FNDC3B: variants seen among roughly 807,000 people sequenced by gnomAD.
The protein encoded by FNDC3B is fibronectin type III domain containing 3B.
A neutral mutation model predicts 151.5 loss-of-function variants in FNDC3B; 12 were observed. That is an observed-to-expected ratio of 0.08 (90% CI 0.05 to 0.13). FNDC3B has a LOEUF of 0.13. FNDC3B is among the 10% of genes least tolerant of loss of function. The pLI, the probability that FNDC3B is intolerant of heterozygous loss-of-function variation, is 1.00. For synonymous variants in FNDC3B, 528 were observed against 549.0 expected (o/e 0.96, Z 0.54); for missense variants, 1,214 against 1,505.3 (o/e 0.81, Z 3.20).
At chr3:172,085,832 T>G (rs1718523759) in intron 1 of FNDC3B, among the ~76,000 whole-genome samples, 1 of 152,234 alleles carries the variant, frequency 6.6e-6, no homozygotes, top group African/African-American at 2.4e-5. Context: ...TTTGTTGAAC[T>G]ATTAATGCAT....
rs1243247499 is a variant in FNDC3B at position 172,147,626 on chromosome 3, G to A, written c.187+14080G>A. 4.6e-5 allele frequency among the ~76,000 whole-genome samples: 7 copies of A among 152,074 alleles called. 1 individual carries two copies. Among genetic ancestry groups the A allele is most frequent in the South Asian group, 2.1e-4 (1 of 4,822 alleles). On this transcript the variant is annotated intron_variant, in intron 3 of 25. Transcript: ENST00000415807. ...TAGCATAAACCAGAATCACCTGGAGGGCCTGTTAAAACACAGTTGCTGGTT... is the reference window on the plus strand; with the variant it reads ...TAGCATAAACCAGAATCACCTGGAGAGCCTGTTAAAACACAGTTGCTGGTT...
At chr3:172,317,135 A>G (rs912540649) in intron 11 of FNDC3B, 4 of 444,830 alleles carry the variant, frequency 9.0e-6, no homozygotes, top group Admixed American at 7.6e-5. Context: ...AGGAAAAAAA[A>G]ATGACCACCT....
chr3:172,096,077 G>C (rs556877219), intron 1 of FNDC3B, among the ~76,000 whole-genome samples: 1 of 152,270 alleles, frequency 6.6e-6, no homozygotes, highest in East Asian at 1.9e-4. Flanking sequence ...TTGGTTCTCT[G>C]TGAATTTTAC....
chr3:172,105,458 G>C (rs945266796), intron 1 of FNDC3B, among the ~76,000 whole-genome samples: 2 of 152,054 alleles, frequency 1.3e-5, no homozygotes, highest in Non-Finnish European at 1.5e-5. Context: ...GTAGAGTATA[G>C]TAATTTCTTA....
chr3:172,140,114 C>G (rs946045460), intron 3 of FNDC3B, among the ~76,000 whole-genome samples: 5 of 152,186 alleles, frequency 3.3e-5, no homozygotes, highest in Non-Finnish European at 2.9e-5. Context: ...GGCCATCTTT[C>G]TTTCTGATTG....
At chr3:172,195,679 G>A (rs1004953193) in intron 3 of FNDC3B, among the ~76,000 whole-genome samples, 2 of 152,206 alleles carry the variant, frequency 1.3e-5, no homozygotes, top group African/African-American at 2.4e-5. Context: ...CAATGCAGAA[G>A]GGGTCATTCC....
chr3:172,317,602 GA>G (rs1370459979), intron 11 of FNDC3B, among the ~76,000 whole-genome samples: 3 of 152,148 alleles, frequency 2.0e-5, no homozygotes, highest in African/African-American at 4.8e-5. Context: ...CTTTCCACTG[GA>G]AAAACAGTGT....
At chr3:172,332,748 A>G (rs1732744329) in intron 13 of FNDC3B, among the ~76,000 whole-genome samples, 1 of 152,220 alleles carries the variant, frequency 6.6e-6, no homozygotes, top group Non-Finnish European at 1.5e-5. Context: ...ACTGCATAGC[A>G]CATTGCAGTT....
At chr3:172,333,552 G>T (rs1732796786) in intron 14 of FNDC3B, among the ~76,000 whole-genome samples, 1 of 144,066 alleles carries the variant, frequency 6.9e-6, no homozygotes, top group Non-Finnish European at 1.5e-5. Context: ...CACCATGTTG[G>T]CCAGGCTGGT....
At chr3:172,358,279 C>T (rs2108334565) in intron 22 of FNDC3B, among the ~76,000 whole-genome samples, 1 of 152,334 alleles carries the variant, frequency 6.6e-6, no homozygotes, top group African/African-American at 2.4e-5. Flanking sequence ...GTCACTCTGT[C>T]ATTTAGATCA....
intron 1 of FNDC3B, among the ~76,000 whole-genome samples, chr3:172,064,357 A>G (rs1223180680): frequency 6.6e-6 from 1 of 152,152 alleles, no homozygotes; most frequent in Non-Finnish European, 1.5e-5. Flanking sequence ...GTATTTTGTT[A>G]AAGCAGACCA....
chr3:172,344,991 T>C (rs964147115), intron 19 of FNDC3B, among the ~76,000 whole-genome samples: 2 of 152,112 alleles, frequency 1.3e-5, no homozygotes, highest in Non-Finnish European at 2.9e-5. Context: ...CCGTCCAAAG[T>C]GCCAGTGGTT....
chr3:172,396,007 A>G (rs979402680), intron 25 of FNDC3B, among the ~76,000 whole-genome samples: 6 of 152,262 alleles, frequency 3.9e-5, no homozygotes, highest in Non-Finnish European at 8.8e-5. Flanking sequence ...AGTTAACTAC[A>G]GAACTACTCT....
At chr3:172,348,259 G>A (rs1056476271) in intron 21 of FNDC3B, among the ~76,000 whole-genome samples, 26 of 152,306 alleles carry the variant, frequency 1.7e-4, no homozygotes, top group Admixed American at 1.4e-3. Flanking sequence ...GTTATTATAA[G>A]TACACCCAAT....
At chr3:172,374,357 A>G (rs893570133) in intron 23 of FNDC3B, among the ~76,000 whole-genome samples, 5 of 152,216 alleles carry the variant, frequency 3.3e-5, no homozygotes, top group Non-Finnish European at 5.9e-5. Flanking sequence ...GAGTTATTAT[A>G]TATCAGGATT....
At chr3:172,304,678 C>T (rs1731101796) in intron 9 of FNDC3B, among the ~76,000 whole-genome samples, 1 of 152,088 alleles carries the variant, frequency 6.6e-6, no homozygotes, top group African/African-American at 2.4e-5. Flanking sequence ...GGGTGGATCA[C>T]CTGAGGTCAG....
chr3:172,132,394 A>G (rs1050257594), intron 2 of FNDC3B, among the ~76,000 whole-genome samples: 1 of 152,106 alleles, frequency 6.6e-6, no homozygotes, highest in Non-Finnish European at 1.5e-5. Flanking sequence ...GTTTTTAACT[A>G]TAGTTTTTGT....
intron 11 of FNDC3B, among the ~76,000 whole-genome samples, chr3:172,313,648 T>C (rs981204495): frequency 6.6e-6 from 1 of 152,252 alleles, no homozygotes; most frequent in Non-Finnish European, 1.5e-5. Context: ...GCCTATCCTC[T>C]TGTGCTTTTA....
intron 1 of FNDC3B, among the ~76,000 whole-genome samples, chr3:172,106,520 T>C (rs1719651111): frequency 6.6e-6 from 1 of 152,248 alleles, no homozygotes; most frequent in Admixed American, 6.5e-5. Flanking sequence ...TCATTTGAAA[T>C]TAATTTGCGT....
Sources: gnomAD v4.1 joint callset for allele counts (sites outside exome capture counted in the v4.1 genomes callset) on GRCh38, gnomAD v4.1.1 for gene constraint, MANE v1.5 for transcripts, NCBI Gene and HGNC (gene_info 2026-07-23, HGNC 2026-07-21) for gene names.